The following CFAP65 variants were observed in gnomAD, a reference collection of about 807,000 sequenced individuals.
CFAP65 encodes the protein cilia and flagella associated protein 65, also known as cilia- and flagella-associated protein 65.
In CFAP65, 155 loss-of-function variants were observed where a neutral mutation model predicts 208.0. That is an observed-to-expected ratio of 0.75 (90% CI 0.65 to 0.85). The LOEUF is 0.85. CFAP65 is among the 40% of genes least tolerant of loss of function. CFAP65 has a pLI of 0.00. For missense variants in CFAP65, 2,294 were observed against 2,451.3 expected, an observed-to-expected ratio of 0.94 and a Z score of 1.36; for synonymous variants, 970 against 986.3, an observed-to-expected ratio of 0.98 and a Z score of 0.31.
chr2:219,003,338 C>T lies in CFAP65; in HGVS notation c.5556-66G>A. The T allele has an allele frequency of 6.8e-7, 1 of 1,463,314 alleles. No homozygotes were observed. Among genetic ancestry groups the T allele is most frequent in the Non-Finnish European group, 9.0e-7 (1 of 1,107,100 alleles). The allele number at this position is 1,463,314 out of a possible 1,614,324, so 90.6% of individuals were successfully genotyped here. ...CCCGCGCGCCTCCTCGCTCGCCTGT[C>T]CGTGCGGTACATTGTGCCGCGAGCT... On this transcript the variant is annotated intron_variant, in intron 33 of 34. Transcript: ENST00000341552. The surrounding 1 kb of genome is among the most constrained non-coding windows in gnomAD (Gnocchi z 4.4).
chr2:219,007,200 G>T (rs1399882170), intron 29 of CFAP65, among the ~76,000 whole-genome samples: 2 of 150,092 alleles, frequency 1.3e-5, no homozygotes, highest in African/African-American at 4.9e-5. Flanking sequence ...TTTTGACAGG[G>T]TCTCACTCTG....
chr2:219,026,925 G>A, intron 13 of CFAP65: 5 of 986,250 alleles, frequency 5.1e-6, no homozygotes, highest in Non-Finnish European at 6.0e-6. Context: ...CTCCTCAAAA[G>A]ATCGGACGTG....
In CFAP65 at chr2:219,023,230, GC is replaced by G. The variant is rs36065109; in HGVS notation, c.2796del (p.Leu933Ter). ...RKLLAVQPSR[G>X]LIQPNERLTL... Reference sequence around the variant, plus strand: ...ACAAGTCTCTCGTTGGGCTGGATTAGCCCCCTGGAGGGCTGGACAGCCAGCA... The same window carrying G: ...ACAAGTCTCTCGTTGGGCTGGATTAGCCCCTGGAGGGCTGGACAGCCAGCA... On this transcript the variant is annotated frameshift_variant, in exon 16 of 35. Transcript: ENST00000341552. LOFTEE classifies it high-confidence loss of function. 1.9e-6 allele frequency: 3 copies of G among 1,612,378 alleles called. No homozygotes were observed. Among genetic ancestry groups the G allele is most frequent in the Non-Finnish European group, 2.5e-6 (3 of 1,179,866 alleles).
intron 13 of CFAP65, 24 bp from the exon 14 acceptor site, chr2:219,026,183 A>G (rs1239022758): frequency 6.3e-7 from 1 of 1,598,810 alleles, no homozygotes; most frequent in Non-Finnish European, 8.6e-7. Context: ...AGACCCACGG[A>G]AAAGCTCAGA....
intron 19 of CFAP65, among the ~76,000 whole-genome samples, chr2:219,020,467 A>G (rs1445703301): frequency 1.3e-5 from 2 of 151,878 alleles, no homozygotes. Context: ...TGCAACTTTT[A>G]CCTCCTGGGC....
At position 219,032,425 on chromosome 2, in the gene CFAP65, G is replaced by A. The variant is rs1426226446; in HGVS notation, c.645+45C>T. On this transcript the variant is annotated intron_variant, in intron 6 of 34. Coordinates refer to ENST00000341552, the MANE Select transcript of CFAP65 (RefSeq NM_194302.4). The surrounding 1 kb of genome is among the most constrained non-coding windows in gnomAD (Gnocchi z 5.5). ...TCCTGTTTTCTGTTCTGAGGTCACT[G>A]CTCCCAGGTACCTCCCTGCCCTCAC... is the stretch of plus-strand genomic sequence containing the variant. The A allele has an allele frequency of 6.6e-7, 1 of 1,514,808 alleles. No individual in the cohort carries two copies. Among genetic ancestry groups the A allele is most frequent in the East Asian group, 2.5e-5 (1 of 40,660 alleles). 93.8% of individuals were successfully genotyped at this position (1,514,808 alleles called of 1,614,324 possible). A position where few individuals can be genotyped will look rare whatever the true frequency, so the allele number is the denominator to read the frequency against.
At chr2:219,029,363 G>C (rs753367127) in intron 11 of CFAP65, 40 bp downstream of exon 11, 4 of 1,588,990 alleles carry the variant, frequency 2.5e-6, no homozygotes, top group Non-Finnish European at 3.4e-6. Context: ...CCCCAGGGGA[G>C]CCCCTCCTCC....
At position 219,031,210 on chromosome 2, in the gene CFAP65, T is replaced by C; in HGVS notation, c.911A>G (p.Lys304Arg). 6.2e-7 allele frequency: 1 copy of C among 1,613,640 alleles called. No individual in the cohort carries two copies. Among genetic ancestry groups the C allele is most frequent in the Non-Finnish European group, 8.5e-7 (1 of 1,179,852 alleles). ...GGCTGTAAGGGGCTGAAAGGTCACC[T>C]TGATCTGAGAGGCCTGGCCTGGCTC... ...LLEPGQASQI[K>R]VTFQPLTAVI... Residue 304 changes from lysine (K) to arginine (R), a missense_variant, in exon 8 of 35, where the codon AAG becomes AGG. By Grantham distance (26) the Lys-to-Arg change is conservative (BLOSUM62 2). This residue lies in a region of CFAP65 where 867 missense variants were observed against 1,012.6 expected (regional missense o/e 0.86). Coordinates refer to ENST00000341552, the MANE Select transcript of CFAP65 (RefSeq NM_194302.4). The surrounding 1 kb of genome is among the most constrained non-coding windows in gnomAD (Gnocchi z 5.2).
chr2:219,019,817 C>T (rs1947160256), intron 19 of CFAP65, 98 bp from the exon 20 acceptor site: 4 of 935,556 alleles, frequency 4.3e-6, no homozygotes, highest in Middle Eastern at 6.4e-4. Flanking sequence ...GGCAGTTGGC[C>T]CCAGGACCCT....
At chr2:219,027,371 TC>T in intron 13 of CFAP65, 1 of 1,462,680 alleles carries the variant, frequency 6.8e-7, no homozygotes, top group Non-Finnish European at 9.1e-7. Flanking sequence ...AGGGAGTATC[TC>T]CCTGTGCACC....
At position 219,024,063 on chromosome 2, in the gene CFAP65, C is replaced by T. The variant is rs768472287; in HGVS notation, c.2547G>A (p.Lys849=). ...ICTYPEGSSW[K]QHTFYLQCNA... ...TGCACTGCAGATAGAAAGTGTGCTG[C>T]TTCCAGGAGCTGCCCTCAGGGTAGG... Residue 849 remains lysine, a synonymous_variant, in exon 15 of 35, where the codon AAG becomes AAA. Coordinates refer to ENST00000341552, the MANE Select transcript of CFAP65 (RefSeq NM_194302.4). 2.6e-5 allele frequency: 42 copies of T among 1,613,932 alleles called. No homozygotes were observed. In the South Asian group the frequency reaches 2.9e-4, roughly 11 times the overall value.
Position 219,007,146 on chromosome 2 carries a change from T to G in CFAP65, c.4675-637A>C, listed in dbSNP as rs542213547. Among the ~76,000 whole-genome samples the G allele has an allele frequency of 6.5e-4, 99 of 151,596 alleles. 2 individuals are homozygous for G. The South Asian group carries it at 0.014, about 22-fold the overall frequency. ...CCTCATGCCCCCAAGAAGAGTTTTT[T>G]TTGTTGTTGTTGTTTTTGTTTGTTT... On this transcript the variant is annotated intron_variant, in intron 29 of 34. Coordinates refer to ENST00000341552, the MANE Select transcript of CFAP65 (RefSeq NM_194302.4).
intron 31 of CFAP65, 143 bp from the exon 32 acceptor site, chr2:219,005,705 T>C: frequency 4.1e-6 from 4 of 966,664 alleles, no homozygotes; most frequent in South Asian, 3.3e-5. Context: ...GTAGTGCTAC[T>C]GGGTTCAGAG....
In CFAP65 at chr2:219,040,559, T is replaced by C. The variant is rs1456393914; in HGVS notation, c.-43A>G. On this transcript the variant is annotated 5_prime_UTR_variant, in exon 2 of 35. Transcript: ENST00000341552. ...GGACGTTCAGATGAAATCAAAGAAATGTAAGCTGAGGAGACACAGAGAGAG... is the reference window on the plus strand; with the variant it reads ...GGACGTTCAGATGAAATCAAAGAAACGTAAGCTGAGGAGACACAGAGAGAG... The C allele has an allele frequency of 2.6e-6, 4 of 1,550,824 alleles. No homozygotes were observed. The African/African-American group carries it at 4.1e-5, about 16-fold the overall frequency.
Position 219,031,491 on chromosome 2 carries a change from C to T in CFAP65, c.813G>A (p.Val271=). ...CCGCACCTCAGCCTCTTCCTCACCC[C>T]ACATTATCCAGGCAGAAAAAGGCCT... is the stretch of plus-strand genomic sequence containing the variant. ...TTEAFFCLDN[V]GDLPTFFTWE... is the part of the protein sequence containing the mutation. Residue 271 remains valine (V), a splice_region_variant and synonymous_variant, in exon 7 of 35, where the codon GTG becomes GTA. Transcript: ENST00000341552. This position sits in a 1 kb window ranked among gnomAD's most constrained non-coding sequence, Gnocchi z 5.2. 2 of 1,614,232 alleles carry T rather than the reference C, an allele frequency of 1.2e-6. No individual in the cohort carries two copies.
At position 219,028,280 on chromosome 2, in the gene CFAP65, G is replaced by A. The variant is rs763770583; in HGVS notation, c.1772C>T (p.Pro591Leu). ...CAGCATGGCATCCAGGATGTCAGGG[G>A]GGTAGAGCGTCAGGCCCCGGGCCAG... ...THLARGLTLY[P>L]PDILDAMLKE... is the part of the protein sequence containing the mutation. The change falls in exon 12 of 35, where the codon CCC becomes CTC. Residue 591 changes from proline to leucine, a missense_variant. Coordinates refer to ENST00000341552, the MANE Select transcript of CFAP65 (RefSeq NM_194302.4). The A allele has an allele frequency of 1.2e-6, 2 of 1,614,160 alleles. No homozygotes were observed.
intron 28 of CFAP65, 71 bp downstream of exon 28, chr2:219,009,276 G>T: frequency 6.9e-7 from 1 of 1,450,338 alleles, no homozygotes; most frequent in Admixed American, 1.7e-5. Flanking sequence ...GGATCTCACA[G>T]CCCATCACAC....
chr2:219,014,073 G>T (rs1381157807), intron 21 of CFAP65, 29 bp from the exon 22 acceptor site: 1 of 1,574,272 alleles, frequency 6.4e-7, no homozygotes, highest in Non-Finnish European at 8.6e-7. Context: ...GCCATACAAA[G>T]AAACTGGTCA....
chr2:219,018,248 A>G (rs1947035991), intron 21 of CFAP65: 1 of 152,224 alleles, frequency 6.6e-6, no homozygotes, highest in African/African-American at 2.4e-5. Context: ...CTCTTTAGCC[A>G]AGCAAAGTTG....
Sources: allele counts gnomAD v4.1 joint callset (sites outside exome capture counted in the v4.1 genomes callset), GRCh38; gene constraint gnomAD v4.1.1; regional missense constraint gnomAD v4.1.1; non-coding constraint Gnocchi (gnomAD v3.1); transcripts MANE v1.5; gene names NCBI Gene and HGNC (gene_info 2026-07-23, HGNC 2026-07-21).